Variants in ANKS1B observed in about 807,000 individuals in gnomAD.
ANKS1B encodes the protein ankyrin repeat and sterile alpha motif domain-containing protein 1B.
Under a neutral mutation model 148.3 loss-of-function variants are expected in ANKS1B, and 36 were observed. That is an observed-to-expected ratio of 0.24 (90% CI 0.19 to 0.32). The LOEUF (loss-of-function observed/expected upper bound fraction) is 0.32. Among genes scored for constraint, ANKS1B ranks in the 10% least tolerant of loss-of-function variants. The pLI is 1.00. For missense variants in ANKS1B, 1,157 were observed against 1,542.6 expected (o/e 0.75, Z 4.19); for synonymous variants, 542 against 560.8 (o/e 0.97, Z 0.47).
At chr12:99,182,561 T>C (rs1172457880) in intron 14 of ANKS1B, among the ~76,000 whole-genome samples, 1 of 152,222 alleles carries the variant, frequency 6.6e-6, no homozygotes, top group African/African-American at 2.4e-5. Flanking sequence ...TATCAATTCA[T>C]CTGTTGGACA....
intron 9 of ANKS1B, among the ~76,000 whole-genome samples, chr12:99,525,054 G>C (rs2096913135): frequency 6.6e-6 from 1 of 152,216 alleles, no homozygotes; most frequent in Admixed American, 6.5e-5. Context: ...CTATATTTTC[G>C]ACTGGTAGGG....
In ANKS1B at chr12:99,647,905, C is replaced by G. The variant is rs991105566; in HGVS notation, c.1272+7162G>C. The G allele has an allele frequency of 5.7e-5, 25 of 436,968 alleles. No homozygotes were observed. The East Asian group carries it at 8.6e-4, about 15-fold the overall frequency. 27.1% of individuals were successfully genotyped at this position (436,968 alleles called of 1,614,324 possible). A position where few individuals can be genotyped will look rare whatever the true frequency, so the allele number is the denominator to read the frequency against. On this transcript the variant is annotated intron_variant, in intron 9 of 26. Transcript: ENST00000683438. ...TGACACCTGTGTGCCCGGACATCCACGAGGGCCCCAACACCTGTGCTCCTG... is the reference window on the plus strand; with the variant it reads ...TGACACCTGTGTGCCCGGACATCCAGGAGGGCCCCAACACCTGTGCTCCTG...
chr12:99,814,839 GT>G (rs2068898512), intron 2 of ANKS1B, among the ~76,000 whole-genome samples: 2 of 151,762 alleles, frequency 1.3e-5, no homozygotes, highest in South Asian at 4.1e-4. Flanking sequence ...AAGGCAGATT[GT>G]TGCAATGTTA....
chr12:99,751,362 C>T (rs558552280), intron 8 of ANKS1B, among the ~76,000 whole-genome samples: 7 of 151,894 alleles, frequency 4.6e-5, no homozygotes, highest in South Asian at 2.1e-4. Flanking sequence ...TAAAGCATCT[C>T]GAAAGTAACA....
At chr12:99,562,016 G>T (rs572984810) in intron 9 of ANKS1B, among the ~76,000 whole-genome samples, 7 of 152,296 alleles carry the variant, frequency 4.6e-5, no homozygotes, top group African/African-American at 1.4e-4. Context: ...TGATCCACGG[G>T]CTTGCAGAAT....
intron 8 of ANKS1B, among the ~76,000 whole-genome samples, chr12:99,716,903 C>T (rs1443996421): frequency 6.6e-6 from 1 of 152,130 alleles, no homozygotes; most frequent in African/African-American, 2.4e-5. Context: ...ACCCTATAAT[C>T]CTTTTATCAC....
intron 9 of ANKS1B, among the ~76,000 whole-genome samples, chr12:99,547,622 C>T (rs552235552): frequency 6.6e-6 from 1 of 151,906 alleles, no homozygotes; most frequent in South Asian, 2.1e-4. Context: ...AAAGTGTCTC[C>T]CTAGGAGGTA....
intron 11 of ANKS1B, among the ~76,000 whole-genome samples, chr12:99,425,380 A>ATAG (rs1292317821): frequency 6.6e-6 from 1 of 151,972 alleles, no homozygotes; most frequent in Non-Finnish European, 1.5e-5. Flanking sequence ...TCTGTTATAA[A>ATAG]TAGTAGTACA....
chr12:99,905,834 T>C (rs935830590), intron 1 of ANKS1B, among the ~76,000 whole-genome samples: 4 of 152,144 alleles, frequency 2.6e-5, no homozygotes, highest in African/African-American at 9.7e-5. Context: ...CTTAATTACC[T>C]CTTTAAAGAC....
At chr12:99,107,205 T>G (rs1399069071) in intron 15 of ANKS1B, among the ~76,000 whole-genome samples, 1 of 152,146 alleles carries the variant, frequency 6.6e-6, no homozygotes, top group Non-Finnish European at 1.5e-5. Flanking sequence ...TAATATCTAA[T>G]GGACAGTGAC....
chr12:99,835,869 C>G (rs1038495497), intron 1 of ANKS1B, among the ~76,000 whole-genome samples: 5 of 152,160 alleles, frequency 3.3e-5, no homozygotes, highest in Non-Finnish European at 5.9e-5. Flanking sequence ...TTACAAACCA[C>G]CATAGCACAC....
intron 15 of ANKS1B, among the ~76,000 whole-genome samples, chr12:99,150,210 C>T (rs2074458566): frequency 6.6e-6 from 1 of 152,142 alleles, no homozygotes; most frequent in Non-Finnish European, 1.5e-5. Context: ...TCAGTTTTTA[C>T]AGGCTGATTT....
At chr12:99,059,367 A>G (rs563754962) in intron 16 of ANKS1B, among the ~76,000 whole-genome samples, 2 of 152,352 alleles carry the variant, frequency 1.3e-5, no homozygotes, top group South Asian at 4.1e-4. Context: ...CATGAAGACA[A>G]AATGACAAAT....
chr12:99,220,118 G>A (rs953996876), intron 14 of ANKS1B, among the ~76,000 whole-genome samples: 1 of 152,126 alleles, frequency 6.6e-6, no homozygotes, highest in Non-Finnish European at 1.5e-5. Context: ...TCCTGCCTCA[G>A]CCTCCAGAGT....
chr12:99,698,493 T>C (rs1329643814), intron 8 of ANKS1B, among the ~76,000 whole-genome samples: 1 of 151,856 alleles, frequency 6.6e-6, no homozygotes, highest in Non-Finnish European at 1.5e-5. Context: ...ATTTTCACCA[T>C]GAAAGAAAGG....
intron 17 of ANKS1B, among the ~76,000 whole-genome samples, chr12:98,883,405 A>T (rs1427872713): frequency 6.6e-6 from 1 of 152,246 alleles, no homozygotes; most frequent in Non-Finnish European, 1.5e-5. Context: ...GTCAGAGCCC[A>T]TATGACGATG....
intron 1 of ANKS1B, among the ~76,000 whole-genome samples, chr12:99,937,094 C>A (rs567509005): frequency 2.6e-5 from 4 of 152,146 alleles, no homozygotes; most frequent in Non-Finnish European, 4.4e-5. Context: ...TCTGGAGTTC[C>A]CATCTCCTTC....
intron 11 of ANKS1B, among the ~76,000 whole-genome samples, chr12:99,416,448 G>A (rs2094912706): frequency 6.6e-6 from 1 of 152,190 alleles, no homozygotes. Context: ...CAAAATTGCT[G>A]TACAATTTTA....
chr12:98,878,615 A>C (rs903886466), intron 17 of ANKS1B, among the ~76,000 whole-genome samples: 1 of 152,148 alleles, frequency 6.6e-6, no homozygotes, highest in Non-Finnish European at 1.5e-5. Flanking sequence ...GGAAGATGGG[A>C]GGACAGGAGA....
Sources: allele counts gnomAD v4.1 joint callset (sites outside exome capture counted in the v4.1 genomes callset), GRCh38; gene constraint gnomAD v4.1.1; transcripts MANE v1.5; gene names NCBI Gene and HGNC (gene_info 2026-07-23, HGNC 2026-07-21).